GLRA2: variants seen among roughly 807,000 people sequenced by gnomAD.
The protein encoded by GLRA2 is glycine receptor alpha 2, also known as glycine receptor subunit alpha-2.
Under a neutral mutation model 31.6 loss-of-function variants are expected in GLRA2, and 11 were observed. The ratio of observed to expected loss-of-function variants is 0.35; its 90% CI spans 0.22 to 0.58. GLRA2 has a LOEUF of 0.58. Among genes scored for constraint, GLRA2 ranks in the 20% least tolerant of loss-of-function variants. The pLI is 0.84. For missense variants in GLRA2, 212 were observed against 351.8 expected (o/e 0.60, Z 3.18); for synonymous variants, 132 against 134.0 (o/e 0.99, Z 0.10).
the GLRA2 span, among the ~76,000 whole-genome samples, chrX:14,482,496 T>G: frequency 9.0e-6 from 1 of 111,073 alleles, no homozygotes; most frequent in Non-Finnish European, 1.9e-5. Context: ...TCAACCCTGG[T>G]TATAGGGCAA....
At chrX:14,576,064 TAAA>T (rs76368177) in intron 3 of GLRA2, among the ~76,000 whole-genome samples, 10 of 88,494 alleles carry the variant, frequency 1.1e-4, no homozygotes, top group Non-Finnish European at 1.8e-4. Context: ...CATTGAGAAG[TAAA>T]AAAAAAAAAA....
At chrX:14,537,299 T>G (rs1222463394) in intron 2 of GLRA2, among the ~76,000 whole-genome samples, 1 of 111,330 alleles carries the variant, frequency 9.0e-6, no homozygotes, top group Non-Finnish European at 1.9e-5. Context: ...CTGAGAAAGG[T>G]GACTGGATGC....
chrX:14,712,873 A>G lies in GLRA2; in HGVS notation c.1081-17334A>G, dbSNP rs145214593. Among the ~76,000 whole-genome samples, 416 of 111,725 alleles carry G rather than the reference A, an allele frequency of 3.7e-3. 2 individuals carry two copies. The highest frequency in any genetic ancestry group is 5.4e-3 in the Non-Finnish European group (288 of 53,098). The stretch of plus-strand genomic sequence containing the variant: ...AACAAAGCAGCCTCTTCTGACCCCA[A>G]TGATTCCCAAAAGTAATAGCCTCTG... On this transcript the variant is annotated intron_variant, in intron 8 of 8. Coordinates refer to ENST00000218075, the MANE Select transcript of GLRA2 (RefSeq NM_002063.4).
At position 14,691,271 on chromosome X, in the gene GLRA2, C is replaced by CTGTG. The variant is rs4014173; in HGVS notation, c.1080+463_1080+466dup. On this transcript the variant is annotated intron_variant, in intron 8 of 8. Transcript: ENST00000218075. ...AAATCCTGGTTCTTCTAAATATTGA[C>CTGTG]TGTGTGTGTGTGTGTGTGTGTGTGT... Among the ~76,000 whole-genome samples, 735 of 85,214 alleles carry CTGTG rather than the reference C, an allele frequency of 8.6e-3. 3 individuals are homozygous for CTGTG. The highest frequency in any genetic ancestry group is 0.011 in the Non-Finnish European group (488 of 44,193). The allele number at this position is 85,214 out of a possible 115,157, so 74.0% of individuals were successfully genotyped here.
At chrX:14,457,983 C>T in the GLRA2 span, among the ~76,000 whole-genome samples, 1 of 110,510 alleles carries the variant, frequency 9.0e-6, no homozygotes. Context: ...ATTAACTCGT[C>T]ATTTAACATT....
chrX:14,514,732 T>A, the GLRA2 span, among the ~76,000 whole-genome samples: 1 of 111,466 alleles, frequency 9.0e-6, no homozygotes, highest in Admixed American at 9.6e-5. Context: ...TGAAAACTTC[T>A]CAGGAGGCCC....
At chrX:14,466,210 T>C in the GLRA2 span, among the ~76,000 whole-genome samples, 2 of 111,006 alleles carry the variant, frequency 1.8e-5, no homozygotes, top group African/African-American at 6.5e-5. Flanking sequence ...TGACCACAAA[T>C]GAGCAGGTAA....
At chrX:14,714,003 T>C (rs1318032624) in intron 8 of GLRA2, among the ~76,000 whole-genome samples, 1 of 111,696 alleles carries the variant, frequency 9.0e-6, no homozygotes, top group East Asian at 2.8e-4. Flanking sequence ...ATTATCCTGA[T>C]GAGCCACCAA....
chrX:14,509,524 C>G, the GLRA2 span, among the ~76,000 whole-genome samples: 1 of 112,554 alleles, frequency 8.9e-6, no homozygotes, highest in Admixed American at 9.4e-5. Context: ...CTTTCAGACT[C>G]ATAAACTCAG....
At chrX:14,519,329 A>G in the GLRA2 span, among the ~76,000 whole-genome samples, 72 of 111,681 alleles carry the variant, frequency 6.4e-4, no homozygotes, top group African/African-American at 2.1e-3. Flanking sequence ...AGTTTCTCAA[A>G]TGAGTATTTA....
chrX:14,637,980 A>G (rs935582766), intron 7 of GLRA2, among the ~76,000 whole-genome samples: 1 of 111,745 alleles, frequency 8.9e-6, no homozygotes, highest in African/African-American at 3.3e-5. Context: ...CTAGTATTAC[A>G]TTTTAGAAAT....
chrX:14,492,168 A>AT, the GLRA2 span, among the ~76,000 whole-genome samples: 1 of 110,749 alleles, frequency 9.0e-6, no homozygotes, highest in Non-Finnish European at 1.9e-5. Context: ...TGTAAAGTGG[A>AT]TTTTCAATTA....
rs777261391 is a variant in GLRA2, at chrX:14,592,803, AT to A, written c.494+11399del. Among the ~76,000 whole-genome samples the A allele has an allele frequency of 1.2e-4, 14 of 112,778 alleles. No homozygotes were observed. The South Asian group carries it at 2.5e-3, about 20-fold the overall frequency. ...CAATCACCAGGAATATCTGTGAACTATTATTTTAGAATATGTTCATGAAACA... is the reference window on the plus strand; with the variant it reads ...CAATCACCAGGAATATCTGTGAACTATATTTTAGAATATGTTCATGAAACA... On this transcript the variant is annotated intron_variant, in intron 4 of 8. Coordinates refer to ENST00000218075, the MANE Select transcript of GLRA2 (RefSeq NM_002063.4).
chrX:14,529,772 G>A lies in GLRA2; in HGVS notation c.-286G>A, dbSNP rs1166214527. The A allele has an allele frequency of 1.1e-5, 4 of 366,738 alleles. No homozygotes were observed. The highest frequency in any genetic ancestry group is 2.6e-5 in the African/African-American group (1 of 38,127). The allele number at this position is 366,738 out of a possible 1,213,427, so 30.2% of individuals were successfully genotyped here. A position where few individuals can be genotyped will look rare whatever the true frequency, so the allele number is the denominator to read the frequency against. On this transcript the variant is annotated 5_prime_UTR_variant, in exon 1 of 9. Coordinates refer to ENST00000218075, the MANE Select transcript of GLRA2 (RefSeq NM_002063.4). Reference sequence around the variant, plus strand: ...GCATGGTGATGCGATTAAGGTAGCAGCATTTTTATTATTCAGGAAAAGCAG... The same window carrying A: ...GCATGGTGATGCGATTAAGGTAGCAACATTTTTATTATTCAGGAAAAGCAG...
chrX:14,647,827 T>A (rs2090847006), intron 7 of GLRA2, among the ~76,000 whole-genome samples: 1 of 111,985 alleles, frequency 8.9e-6, no homozygotes, highest in Non-Finnish European at 1.9e-5. Context: ...CTTGAATGAA[T>A]GTAAAAACGT....
the GLRA2 span, among the ~76,000 whole-genome samples, chrX:14,513,930 A>C: frequency 8.9e-6 from 1 of 111,763 alleles, no homozygotes; most frequent in African/African-American, 3.3e-5. Flanking sequence ...TACCCAGAGG[A>C]AAAAAAAGTT....
chrX:14,590,143 T>G (rs999556709), intron 4 of GLRA2, among the ~76,000 whole-genome samples: 1 of 111,639 alleles, frequency 9.0e-6, no homozygotes, highest in Admixed American at 9.5e-5. Flanking sequence ...CCTAAAACTT[T>G]ATGGCATTGG....
chrX:14,558,727 G>T (rs900972619), intron 2 of GLRA2, among the ~76,000 whole-genome samples: 2 of 111,891 alleles, frequency 1.8e-5, no homozygotes, highest in African/African-American at 6.5e-5. Context: ...GGGAGCAGTT[G>T]ACAACTGGTG....
intron 7 of GLRA2, among the ~76,000 whole-genome samples, chrX:14,618,793 G>A (rs968583684): frequency 1.8e-5 from 2 of 111,446 alleles, no homozygotes; most frequent in Admixed American, 9.5e-5. Context: ...TGAGGCCCCC[G>A]TTCCTTGCTG....
Sources: allele counts gnomAD v4.1 joint callset (sites outside exome capture counted in the v4.1 genomes callset), GRCh38; gene constraint gnomAD v4.1.1; transcripts MANE v1.5; gene names NCBI Gene and HGNC (gene_info 2026-07-23, HGNC 2026-07-21).